MAGI1: variants seen among roughly 807,000 people sequenced by gnomAD.
MAGI1 encodes the protein membrane-associated guanylate kinase, WW and PDZ domain-containing protein 1.
A neutral mutation model predicts 139.9 loss-of-function variants in MAGI1; 58 were observed. That is an observed-to-expected ratio of 0.41 (90% CI 0.34 to 0.52). The LOEUF (loss-of-function observed/expected upper bound fraction) is 0.52, where lower values mean the gene tolerates loss of function less well. MAGI1 is among the 20% of genes least tolerant of loss of function. The pLI, the probability that MAGI1 is intolerant of heterozygous loss-of-function variation, is 0.12. For synonymous variants in MAGI1, 812 were observed against 737.9 expected, an observed-to-expected ratio of 1.10 and a Z score of -1.63; for missense variants, 1,874 against 1,901.6, an observed-to-expected ratio of 0.99 and a Z score of 0.27.
At chr3:65,556,041 T>C (rs562039620) in intron 2 of MAGI1, among the ~76,000 whole-genome samples, 2 of 152,200 alleles carry the variant, frequency 1.3e-5, no homozygotes, top group Non-Finnish European at 2.9e-5. Flanking sequence ...TGTATGTGTG[T>C]TTCTGTGATA....
intron 1 of MAGI1, among the ~76,000 whole-genome samples, chr3:65,904,583 G>A (rs1345673778): frequency 6.6e-6 from 1 of 152,158 alleles, no homozygotes; most frequent in African/African-American, 2.4e-5. Context: ...CTTCTAGGAT[G>A]TAGCTTCCAC....
At position 66,038,509 on chromosome 3, in the gene MAGI1, G is replaced by A. The variant is rs905909699; in HGVS notation, c.-201C>T. ...TAAAACAAACTTTCTGGGCTTCCCC[G>A]CGAGCCCCGCACAGGCGCCCGCGAG... On this transcript the variant is annotated 5_prime_UTR_variant, in exon 1 of 23. Coordinates refer to ENST00000402939, the MANE Select transcript of MAGI1 (RefSeq NM_001033057.2). The A allele has an allele frequency of 4.2e-6, 3 of 711,740 alleles. No homozygotes were observed. The highest frequency in any genetic ancestry group is 3.7e-5 in the Admixed American group (1 of 26,772). The allele number at this position is 711,740 out of a possible 1,614,324, so 44.1% of individuals were successfully genotyped here. A position where few individuals can be genotyped will look rare whatever the true frequency, so the allele number is the denominator to read the frequency against.
chr3:65,667,967 T>C (rs2086632497), intron 1 of MAGI1, among the ~76,000 whole-genome samples: 2 of 152,192 alleles, frequency 1.3e-5, no homozygotes, highest in Admixed American at 1.3e-4. Flanking sequence ...AAGAGTTTGC[T>C]CCCTGTGTAA....
intron 1 of MAGI1, among the ~76,000 whole-genome samples, chr3:65,680,386 T>C (rs897769357): frequency 6.6e-6 from 1 of 152,190 alleles, no homozygotes; most frequent in African/African-American, 2.4e-5. Flanking sequence ...AGGAGAGCTC[T>C]TGTGAAGGAG....
chr3:65,685,439 T>G (rs2087935503), intron 1 of MAGI1, among the ~76,000 whole-genome samples: 1 of 152,190 alleles, frequency 6.6e-6, no homozygotes, highest in African/African-American at 2.4e-5. Context: ...TCAAACAGTC[T>G]CTAATGAATA....
At chr3:65,453,174 C>G in intron 6 of MAGI1, 84 bp downstream of exon 6, 3 of 1,192,922 alleles carry the variant, frequency 2.5e-6, no homozygotes, top group Non-Finnish European at 3.7e-6. Context: ...TAAGACCCGA[C>G]TGACCTGGCT....
intron 12 of MAGI1, among the ~76,000 whole-genome samples, chr3:65,422,641 C>T (rs140364427): frequency 1.3e-5 from 2 of 152,224 alleles, no homozygotes; most frequent in African/African-American, 4.8e-5. Flanking sequence ...AACCAAGTCC[C>T]TTATCTGAGG....
chr3:66,036,446 T>G (rs1374407895), intron 1 of MAGI1, among the ~76,000 whole-genome samples: 2 of 152,046 alleles, frequency 1.3e-5, no homozygotes, highest in African/African-American at 4.8e-5. Context: ...AACTCAGAGT[T>G]CAGAGTAAGT....
chr3:65,745,912 T>C (rs937620027), intron 1 of MAGI1, among the ~76,000 whole-genome samples: 1 of 152,212 alleles, frequency 6.6e-6, no homozygotes, highest in Non-Finnish European at 1.5e-5. Context: ...GTATTTTTTA[T>C]AGAGACAGGG....
intron 1 of MAGI1, among the ~76,000 whole-genome samples, chr3:65,809,747 G>C (rs1381316690): frequency 6.6e-6 from 1 of 152,136 alleles, no homozygotes; most frequent in African/African-American, 2.4e-5. Flanking sequence ...AAGGGAAATG[G>C]ATATTATGCA....
At chr3:65,575,248 T>G (rs933957171) in intron 2 of MAGI1, among the ~76,000 whole-genome samples, 1 of 151,950 alleles carries the variant, frequency 6.6e-6, no homozygotes, top group Non-Finnish European at 1.5e-5. Flanking sequence ...TTAAACACTT[T>G]AACAAAAAAG....
intron 1 of MAGI1, among the ~76,000 whole-genome samples, chr3:65,962,972 T>G (rs1346658689): frequency 7.5e-6 from 1 of 132,664 alleles, no homozygotes. Flanking sequence ...CAAGATGAGT[T>G]TTTTTTTTTA....
At chr3:65,647,686 T>G (rs1559752237) in intron 1 of MAGI1, among the ~76,000 whole-genome samples, 1 of 152,174 alleles carries the variant, frequency 6.6e-6, no homozygotes, top group Non-Finnish European at 1.5e-5. Flanking sequence ...TAAAAGTATT[T>G]GATAAGATTC....
intron 2 of MAGI1, among the ~76,000 whole-genome samples, chr3:65,546,356 C>T: frequency 6.6e-6 from 1 of 152,162 alleles, no homozygotes; most frequent in East Asian, 1.9e-4. Context: ...TATTTTCACT[C>T]TATTGTAAGT....
In MAGI1 at chr3:65,356,673, C is replaced by A; in HGVS notation, c.4094G>T (p.Gly1365Val). 1.3e-6 allele frequency: 2 copies of A among 1,584,028 alleles called. No individual in the cohort carries two copies. Among genetic ancestry groups the A allele is most frequent in the South Asian group, 2.3e-5 (2 of 86,174 alleles). ...AGACCGTCTCCGCCGGCTGGGGGAGCCGTCTCTCCTGCGGGTGGGTGACCG... is the reference window on the plus strand; with the variant it reads ...AGACCGTCTCCGCCGGCTGGGGGAGACGTCTCTCCTGCGGGTGGGTGACCG... The part of the protein sequence containing the change: ...RERSPTRRRD[G>V]SPSRRRRSLE... The change falls in exon 23 of 23, where the codon GGC (glycine) becomes GTC (valine). Residue 1365 changes from glycine to valine, a missense_variant. By Grantham distance (109) the Gly-to-Val change is moderately radical. Transcript: ENST00000402939.
chr3:65,506,333 A>C (rs904741353), intron 2 of MAGI1, among the ~76,000 whole-genome samples: 1 of 152,240 alleles, frequency 6.6e-6, no homozygotes, highest in African/African-American at 2.4e-5. Context: ...CAACAACAGT[A>C]TCTGCCCACG....
intron 10 of MAGI1, among the ~76,000 whole-genome samples, chr3:65,436,614 A>T (rs745768904): frequency 6.6e-5 from 10 of 152,200 alleles, no homozygotes; most frequent in Non-Finnish European, 1.0e-4. Context: ...AAAACCTAAT[A>T]TGTTGGCTAG....
At chr3:66,036,273 G>A (rs2068912830) in intron 1 of MAGI1, among the ~76,000 whole-genome samples, 2 of 152,188 alleles carry the variant, frequency 1.3e-5, no homozygotes. Flanking sequence ...CACTTTCCAC[G>A]TGTTAGCTTA....
intron 14 of MAGI1, among the ~76,000 whole-genome samples, chr3:65,384,075 C>A (rs1943259707): frequency 6.6e-6 from 1 of 152,200 alleles, no homozygotes; most frequent in Admixed American, 6.5e-5. Context: ...CAGATGTTTC[C>A]TCTACTAGAG....
Sources: allele counts gnomAD v4.1 joint callset (sites outside exome capture counted in the v4.1 genomes callset), GRCh38; gene constraint gnomAD v4.1.1; transcripts MANE v1.5; gene names NCBI Gene and HGNC (gene_info 2026-07-23, HGNC 2026-07-21).